The following ZNF382 variants were observed in gnomAD, a reference collection of about 807,000 sequenced individuals.
ZNF382 encodes the protein zinc finger protein 382.
Under a neutral mutation model 38.8 loss-of-function variants are expected in ZNF382, and 20 were observed. The ratio of observed to expected loss-of-function variants is 0.51; its 90% CI spans 0.36 to 0.75. The LOEUF (loss-of-function observed/expected upper bound fraction) is 0.75. ZNF382 is among the 30% of genes least tolerant of loss of function. The pLI is 0.00. For missense variants in ZNF382, 546 were observed against 654.1 expected (o/e 0.83, Z 1.80); for synonymous variants, 202 against 223.1 (o/e 0.91, Z 0.84).
Position 36,630,149 on chromosome 19 carries a change from C to T in ZNF382, c.*2599C>T, listed in dbSNP as rs1394468994. ...TCATTTTCTGGCAGTAAATCATATT[C>T]ATCATATACTTCCCAATTTTGCACA... On this transcript the variant is annotated 3_prime_UTR_variant, in exon 5 of 5. Coordinates refer to ENST00000292928, the MANE Select transcript of ZNF382 (RefSeq NM_032825.5). 1.3e-5 allele frequency: 2 copies of T among 151,972 alleles called. No homozygotes were observed. The highest frequency in any genetic ancestry group is 3.9e-4 in the East Asian group (2 of 5,184). The allele number at this position is 151,972 out of a possible 1,614,324, so 9.4% of individuals were successfully genotyped here.
At position 36,607,549 on chromosome 19, in the gene ZNF382, C is replaced by A; in HGVS notation, c.-84-3C>A. The stretch of plus-strand genomic sequence containing the variant: ...CGTATATCCTCCATCTTTGCTTTCT[C>A]AGGACTGTTTCTTTTTCCAAAAGAG... On this transcript the variant is annotated splice_polypyrimidine_tract_variant and splice_region_variant and intron_variant, in intron 1 of 4. Transcript: ENST00000292928. The A allele has an allele frequency of 6.6e-7, 1 of 1,518,328 alleles. No homozygotes were observed. Among genetic ancestry groups the A allele is most frequent in the South Asian group, 1.2e-5 (1 of 83,502 alleles). The allele number at this position is 1,518,328 out of a possible 1,614,324, so 94.1% of individuals were successfully genotyped here. A position where few individuals can be genotyped will look rare whatever the true frequency, so the allele number is the denominator to read the frequency against.
At chr19:36,611,752 A>T (rs2037079549) in intron 4 of ZNF382, among the ~76,000 whole-genome samples, 1 of 152,178 alleles carries the variant, frequency 6.6e-6, no homozygotes, top group Non-Finnish European at 1.5e-5. Flanking sequence ...ATCATTTTAC[A>T]TTCCCACCAA....
At chr19:36,620,313 A>T (rs2037158909) in intron 4 of ZNF382, among the ~76,000 whole-genome samples, 1 of 152,176 alleles carries the variant, frequency 6.6e-6, no homozygotes, top group African/African-American at 2.4e-5. Flanking sequence ...TGCCAGGGAT[A>T]GTTGTGGGAT....
intron 1 of ZNF382, among the ~76,000 whole-genome samples, 192 bp from the exon 2 acceptor site, chr19:36,607,360 G>A (rs2145310025): frequency 6.6e-6 from 1 of 152,274 alleles, no homozygotes; most frequent in South Asian, 2.1e-4. Flanking sequence ...AAGAGACTGG[G>A]TTTCTGGTGT....
chr19:36,625,089 A>AATATATATATATATATATATATAT lies in ZNF382; in HGVS notation c.233-1025_233-1002dup, dbSNP rs371760229. ...TCTCAAAAAAATAAAAATGAATTTA[A>AATATATATATATATATATATATAT]ATATATATATATATATATATATATA... is the stretch of plus-strand genomic sequence containing the variant. On this transcript the variant is annotated intron_variant, in intron 4 of 4. Coordinates refer to ENST00000292928, the MANE Select transcript of ZNF382 (RefSeq NM_032825.5). Among the ~76,000 whole-genome samples the AATATATATATATATATATATATAT allele has an allele frequency of 1.4e-4, 6 of 42,994 alleles. 1 individual carries two copies. Among genetic ancestry groups the AATATATATATATATATATATATAT allele is most frequent in the East Asian group, 1.1e-3 (1 of 952 alleles). 28.2% of individuals were successfully genotyped at this position (42,994 alleles called of 152,430 possible). A position where few individuals can be genotyped will look rare whatever the true frequency, so the allele number is the denominator to read the frequency against.
At position 36,614,883 on chromosome 19, in the gene ZNF382, C is replaced by T. The variant is rs1004913505; in HGVS notation, c.232+4141C>T. ...CCATTTCTTTCTTTCTTTCTTTCTT[C>T]CTTTCCTTTCCTTTCCTTTCCTTTC... On this transcript the variant is annotated intron_variant, in intron 4 of 4. Coordinates refer to ENST00000292928, the MANE Select transcript of ZNF382 (RefSeq NM_032825.5). Among the ~76,000 whole-genome samples the T allele has an allele frequency of 3.7e-4, 27 of 72,438 alleles. No homozygotes were observed. The East Asian group carries it at 7.5e-3, about 20-fold the overall frequency. 47.5% of individuals were successfully genotyped at this position (72,438 alleles called of 152,430 possible).
chr19:36,627,492 A>G lies in ZNF382; in HGVS notation c.1595A>G (p.Lys532Arg). 6.2e-7 allele frequency: 1 copy of G among 1,613,976 alleles called. No homozygotes were observed. Among genetic ancestry groups the G allele is most frequent in the Non-Finnish European group, 8.5e-7 (1 of 1,179,820 alleles). ...CKQCGKFFSC[K>R]SNLIVHQKTH... ...CAGTGTGGGAAGTTCTTCAGTTGTA[A>G]GTCAAACCTCATTGTCCATCAGAAA... The change falls in exon 5 of 5, where the codon AAG becomes AGG. Residue 532 changes from lysine (K) to arginine (R), a missense_variant. By Grantham distance (26) the Lys-to-Arg change is conservative. Transcript: ENST00000292928.
At chr19:36,614,143 C>G (rs945352022) in intron 4 of ZNF382, among the ~76,000 whole-genome samples, 1 of 151,972 alleles carries the variant, frequency 6.6e-6, no homozygotes, top group African/African-American at 2.4e-5. Flanking sequence ...AGTTCAAGAC[C>G]AGCCTGGCCA....
Position 36,632,761 on chromosome 19 carries a change from G to A in ZNF382, c.*5211G>A, listed in dbSNP as rs1193187321. ...AAATCAGCTCCATCTTATAAACATG[G>A]TTCCTATAACTGCTGTGTATTTCCT... On this transcript the variant is annotated 3_prime_UTR_variant, in exon 5 of 5. Coordinates refer to ENST00000292928, the MANE Select transcript of ZNF382 (RefSeq NM_032825.5). 2.0e-5 allele frequency: 3 copies of A among 152,144 alleles called. No homozygotes were observed. The highest frequency in any genetic ancestry group is 4.4e-5 in the Non-Finnish European group (3 of 68,044). The allele number at this position is 152,144 out of a possible 1,614,324, so 9.4% of individuals were successfully genotyped here. A position where few individuals can be genotyped will look rare whatever the true frequency, so the allele number is the denominator to read the frequency against.
chr19:36,615,083 A>C (rs1037697391), intron 4 of ZNF382, among the ~76,000 whole-genome samples: 1 of 150,654 alleles, frequency 6.6e-6, no homozygotes, highest in Non-Finnish European at 1.5e-5. Flanking sequence ...CCCGGGTTCA[A>C]ATGATTCTTG....
At chr19:36,612,910 G>A (rs568784641) in intron 4 of ZNF382, among the ~76,000 whole-genome samples, 1 of 152,268 alleles carries the variant, frequency 6.6e-6, no homozygotes, top group South Asian at 2.1e-4. Context: ...TCCTGCCTCA[G>A]CCTCCCGAGT....
At chr19:36,621,324 G>GTTTTTTTTTTTTTTTTTTTTTCCTTTT (rs2037167650) in intron 4 of ZNF382, among the ~76,000 whole-genome samples, 1 of 104,470 alleles carries the variant, frequency 9.6e-6, no homozygotes, top group Admixed American at 1.0e-4. Flanking sequence ...TTTTTCCCTA[G>GTTTTTTTTTTTTTTTTTTTTTCCTTTT]TTTTTTTTTT....
At chr19:36,619,774 A>G (rs570278883) in intron 4 of ZNF382, among the ~76,000 whole-genome samples, 3 of 151,514 alleles carry the variant, frequency 2.0e-5, no homozygotes, top group African/African-American at 7.3e-5. Context: ...TCTGTTGCCC[A>G]GGCTGGAGTG....
At chr19:36,621,707 G>A (rs1209058774) in intron 4 of ZNF382, among the ~76,000 whole-genome samples, 1 of 152,086 alleles carries the variant, frequency 6.6e-6, no homozygotes, top group Admixed American at 6.6e-5. Flanking sequence ...ATGATTCAAA[G>A]TATACAGGAG....
intron 4 of ZNF382, among the ~76,000 whole-genome samples, chr19:36,622,072 G>T (rs1431974261): frequency 6.6e-6 from 1 of 151,350 alleles, no homozygotes; most frequent in Non-Finnish European, 1.5e-5. Flanking sequence ...CTCAGGCTAG[G>T]GTGCAGTGGC....
At chr19:36,615,254 G>T (rs2037116992) in intron 4 of ZNF382, among the ~76,000 whole-genome samples, 1 of 151,920 alleles carries the variant, frequency 6.6e-6, no homozygotes, top group South Asian at 2.1e-4. Flanking sequence ...AAAGTGCTGG[G>T]ACTACAGGCA....
intron 4 of ZNF382, among the ~76,000 whole-genome samples, chr19:36,625,449 C>T (rs951693611): frequency 2.0e-5 from 3 of 151,900 alleles, no homozygotes; most frequent in African/African-American, 7.2e-5. Flanking sequence ...TGTCACATTG[C>T]CTACTGTTCA....
chr19:36,629,118 G>T lies in ZNF382; in HGVS notation c.*1568G>T, dbSNP rs773331487. 6.6e-6 allele frequency: 1 copy of T among 151,554 alleles called. No individual in the cohort carries two copies. The highest frequency in any genetic ancestry group is 1.5e-5 in the Non-Finnish European group (1 of 67,984). The allele number at this position is 151,554 out of a possible 1,614,324, so 9.4% of individuals were successfully genotyped here. ...CTGAGATTACAGGCACACGCCACAC[G>T]CACAGCTAATTTTCGTATTTTTAGT... On this transcript the variant is annotated 3_prime_UTR_variant, in exon 5 of 5. Transcript: ENST00000292928.
At position 36,627,038 on chromosome 19, in the gene ZNF382, G is replaced by A; in HGVS notation, c.1141G>A (p.Glu381Lys). The change falls in exon 5 of 5, where the codon GAA becomes AAA. Residue 381 changes from glutamate to lysine, a missense_variant. Glu to Lys is a moderately conservative substitution (Grantham distance 56, BLOSUM62 1). Coordinates refer to ENST00000292928, the MANE Select transcript of ZNF382 (RefSeq NM_032825.5). ...HKTHTGEKAY[E>K]CPQCGSAFRK... ...AACACATACGGGGGAGAAAGCCTATGAATGTCCTCAGTGTGGAAGTGCCTT... is the reference window on the plus strand; with the variant it reads ...AACACATACGGGGGAGAAAGCCTATAAATGTCCTCAGTGTGGAAGTGCCTT... 1.9e-6 allele frequency: 3 copies of A among 1,613,736 alleles called. No homozygotes were observed. The highest frequency in any genetic ancestry group is 2.5e-6 in the Non-Finnish European group (3 of 1,179,924).
Sources: allele counts gnomAD v4.1 joint callset (sites outside exome capture counted in the v4.1 genomes callset), GRCh38; gene constraint gnomAD v4.1.1; transcripts MANE v1.5; gene names NCBI Gene and HGNC (gene_info 2026-07-23, HGNC 2026-07-21).